CNTN5: variants seen among roughly 807,000 people sequenced by gnomAD.
CNTN5 encodes the protein contactin 5, also known as contactin-5.
In CNTN5, 77 loss-of-function variants were observed where a neutral mutation model predicts 129.1. That is an observed-to-expected ratio of 0.60 (90% confidence interval 0.50 to 0.72). CNTN5 has a LOEUF of 0.72. CNTN5 is among the 30% of genes least tolerant of loss of function. CNTN5 has a pLI of 0.00. For missense variants in CNTN5, 1,478 were observed against 1,328.8 expected (o/e 1.11, Z -1.75); for synonymous variants, 509 against 465.6 (o/e 1.09, Z -1.20).
At chr11:99,456,876 A>T (rs1470599123) in intron 2 of CNTN5, among the ~76,000 whole-genome samples, 1 of 152,072 alleles carries the variant, frequency 6.6e-6, no homozygotes, top group South Asian at 2.1e-4. Context: ...ATATGACTAG[A>T]TATTTTAATT....
At chr11:99,216,797 C>A (rs148558439) in intron 1 of CNTN5, among the ~76,000 whole-genome samples, 5 of 151,966 alleles carry the variant, frequency 3.3e-5, no homozygotes, top group African/African-American at 1.2e-4. Flanking sequence ...GAGAAAGCTT[C>A]AGTTCAGGAA....
intron 21 of CNTN5, among the ~76,000 whole-genome samples, chr11:100,327,400 C>T (rs1951811218): frequency 6.6e-6 from 1 of 152,190 alleles, no homozygotes; most frequent in Non-Finnish European, 1.5e-5. Context: ...ACACAGGATG[C>T]CTCTGCCTTC....
intron 3 of CNTN5, among the ~76,000 whole-genome samples, chr11:99,627,433 G>A (rs569302792): frequency 6.8e-5 from 10 of 146,810 alleles, no homozygotes; most frequent in East Asian, 2.0e-4. Context: ...TTAATGTTAC[G>A]AAATGGAAAA....
intron 3 of CNTN5, among the ~76,000 whole-genome samples, chr11:99,683,308 A>G (rs67706716): frequency 0.11 from 16,040 of 151,812 alleles, 983 homozygotes; most frequent in Admixed American, 0.16. Flanking sequence ...TCCACCTCAT[A>G]TCATGTATCA....
chr11:100,279,884 G>C (rs956672453), intron 18 of CNTN5, among the ~76,000 whole-genome samples: 5 of 138,984 alleles, frequency 3.6e-5, no homozygotes, highest in Admixed American at 7.3e-5. Flanking sequence ...GCCTCATTAG[G>C]TTGTTTATTT....
chr11:99,694,235 T>G (rs1954163409), intron 3 of CNTN5, among the ~76,000 whole-genome samples: 2 of 152,220 alleles, frequency 1.3e-5, no homozygotes, highest in South Asian at 2.1e-4. Context: ...CTGTGCAAAC[T>G]TCAGACAGTG....
intron 7 of CNTN5, among the ~76,000 whole-genome samples, chr11:99,945,498 G>GTGTGTT (rs1186422071): frequency 7.4e-6 from 1 of 135,888 alleles, no homozygotes; most frequent in African/African-American, 2.5e-5. Flanking sequence ...GCGTGTGTGT[G>GTGTGTT]TGTGTGTGTG....
intron 1 of CNTN5, among the ~76,000 whole-genome samples, chr11:99,047,193 A>T (rs1355582363): frequency 1.3e-5 from 2 of 152,052 alleles, no homozygotes; most frequent in African/African-American, 4.8e-5. Flanking sequence ...TTTTCAGTAT[A>T]TTTGAAACCA....
intron 13 of CNTN5, among the ~76,000 whole-genome samples, chr11:100,158,348 T>C (rs1462669977): frequency 6.6e-6 from 1 of 151,238 alleles, no homozygotes; most frequent in African/African-American, 2.5e-5. Flanking sequence ...AATAATAATG[T>C]ATTGCATACT....
chr11:99,762,308 G>T, intron 3 of CNTN5, among the ~76,000 whole-genome samples: 1 of 151,104 alleles, frequency 6.6e-6, no homozygotes, highest in Non-Finnish European at 1.5e-5. Flanking sequence ...TGTTGCCATT[G>T]CTTTTGGTGT....
chr11:99,420,015 A>G (rs1003501080), intron 2 of CNTN5, among the ~76,000 whole-genome samples: 2 of 152,142 alleles, frequency 1.3e-5, no homozygotes, highest in African/African-American at 2.4e-5. Flanking sequence ...TAAATAAAGT[A>G]GGAGAAGTGC....
At chr11:99,390,145 A>G (rs1941181830) in intron 2 of CNTN5, among the ~76,000 whole-genome samples, 1 of 148,550 alleles carries the variant, frequency 6.7e-6, no homozygotes, top group African/African-American at 2.5e-5. Context: ...TTTTTTTGTC[A>G]GGGTCTCTGT....
chr11:99,459,766 C>T (rs1372511964), intron 2 of CNTN5, among the ~76,000 whole-genome samples: 2 of 151,872 alleles, frequency 1.3e-5, no homozygotes, highest in Non-Finnish European at 2.9e-5. Context: ...CATATATTTA[C>T]AATGGCAATG....
At chr11:100,019,776 G>GAA (rs2137558132) in intron 9 of CNTN5, among the ~76,000 whole-genome samples, 1 of 151,958 alleles carries the variant, frequency 6.6e-6, no homozygotes, top group Non-Finnish European at 1.5e-5. Context: ...TCTTTTCCAT[G>GAA]AAGGCTATAC....
intron 6 of CNTN5, among the ~76,000 whole-genome samples, chr11:99,909,612 C>T (rs943589010): frequency 3.9e-5 from 6 of 152,086 alleles, no homozygotes; most frequent in African/African-American, 1.4e-4. Flanking sequence ...CACATATAAA[C>T]CATGGAATAC....
chr11:100,050,285 C>A (rs1229498459), intron 9 of CNTN5, among the ~76,000 whole-genome samples: 2 of 152,150 alleles, frequency 1.3e-5, no homozygotes, highest in Non-Finnish European at 2.9e-5. Context: ...CCATGGAATA[C>A]AGTGCAGCCA....
intron 13 of CNTN5, among the ~76,000 whole-genome samples, chr11:100,141,388 C>A (rs539543823): frequency 6.6e-6 from 1 of 151,524 alleles, no homozygotes; most frequent in Admixed American, 6.6e-5. Flanking sequence ...AACACACGAA[C>A]AGTTGGGACT....
chr11:99,462,360 C>CTTTTTTTTTTTTTTTTTCTTTTTTTTTCT (rs72276833), intron 2 of CNTN5, among the ~76,000 whole-genome samples: 1 of 125,284 alleles, frequency 8.0e-6, no homozygotes, highest in Non-Finnish European at 1.7e-5. Context: ...CTTTTCTTTT[C>CTTTTTTTTTTTTTTTTTCTTTTTTTTTCT]TTTTTTTTTT....
chr11:99,162,601 A>G (rs773345413), intron 1 of CNTN5, among the ~76,000 whole-genome samples: 1 of 152,230 alleles, frequency 6.6e-6, no homozygotes, highest in Non-Finnish European at 1.5e-5. Context: ...TTTTCTTCCT[A>G]TAATACATTA....
Sources: gnomAD v4.1 joint callset for allele counts (sites outside exome capture counted in the v4.1 genomes callset) on GRCh38, gnomAD v4.1.1 for gene constraint, MANE v1.5 for transcripts, NCBI Gene and HGNC (gene_info 2026-07-23, HGNC 2026-07-21) for gene names.